Variants in EFCAB11 observed in about 807,000 individuals in gnomAD.
EFCAB11 encodes the protein EF-hand calcium binding domain 11, also known as EF-hand calcium-binding domain-containing protein 11.
A neutral mutation model predicts 23.0 loss-of-function variants in EFCAB11; 14 were observed. That is an observed-to-expected ratio of 0.61 (90% CI 0.40 to 0.95). EFCAB11 has a LOEUF of 0.95. Among genes scored for constraint, EFCAB11 ranks in the 40% least tolerant of loss-of-function variants. The pLI is 0.00. For synonymous variants in EFCAB11, 65 were observed against 66.6 expected (o/e 0.98, Z 0.11); for missense variants, 198 against 195.8 (o/e 1.01, Z -0.07).
intron 5 of EFCAB11, among the ~76,000 whole-genome samples, chr14:89,867,295 C>A (rs1251715445): frequency 1.3e-5 from 2 of 152,178 alleles, no homozygotes; most frequent in Admixed American, 1.3e-4. Flanking sequence ...TACTATCTGG[C>A]GTATTGGCAA....
chr14:89,932,394 A>G (rs1305130742), intron 4 of EFCAB11, 132 bp downstream of exon 4: 2 of 671,308 alleles, frequency 3.0e-6, no homozygotes, highest in East Asian at 2.8e-5. Context: ...TCAATACCTA[A>G]GGTAACAGCT....
intron 5 of EFCAB11, among the ~76,000 whole-genome samples, chr14:89,906,160 CATT>C (rs899395454): frequency 6.7e-6 from 1 of 149,046 alleles, no homozygotes; most frequent in African/African-American, 2.5e-5. Flanking sequence ...GCCTGGCACT[CATT>C]AGAGCACTAA....
intron 5 of EFCAB11, among the ~76,000 whole-genome samples, chr14:89,930,411 GTGGGCACA>G (rs1890349080): frequency 6.6e-6 from 1 of 152,118 alleles, no homozygotes. Flanking sequence ...ACCTCTATTC[GTGGGCACA>G]TCATTGCCCA....
chr14:89,852,530 G>C (rs912226831), intron 5 of EFCAB11, among the ~76,000 whole-genome samples: 9 of 152,162 alleles, frequency 5.9e-5, no homozygotes, highest in African/African-American at 2.2e-4. Context: ...CTCCATCTGT[G>C]AGTCTGTTCC....
intron 5 of EFCAB11, among the ~76,000 whole-genome samples, chr14:89,861,646 T>C (rs114345260): frequency 3.2e-3 from 483 of 152,264 alleles, no homozygotes; most frequent in African/African-American, 0.011. Context: ...ATTTATAAAC[T>C]GATTAGGAAT....
rs781657473 is a variant in EFCAB11 at position 89,931,677 on chromosome 14, A to C, written c.320-46T>G. The C allele has an allele frequency of 2.0e-6, 3 of 1,507,050 alleles. No homozygotes were observed. In the Admixed American group the frequency reaches 5.2e-5, roughly 26 times the overall value. 93.4% of individuals were successfully genotyped at this position (1,507,050 alleles called of 1,614,324 possible). A position where few individuals can be genotyped will look rare whatever the true frequency, so the allele number is the denominator to read the frequency against. ...ATATTCACTTACTTTAATAAGACCT[A>C]TCAACTGTTACTTCAGCCATAACAT... On this transcript the variant is annotated intron_variant, in intron 4 of 5. Coordinates refer to ENST00000316738, the MANE Select transcript of EFCAB11 (RefSeq NM_145231.4).
At chr14:89,834,120 T>G (rs1215857490) in intron 5 of EFCAB11, among the ~76,000 whole-genome samples, 1 of 148,692 alleles carries the variant, frequency 6.7e-6, no homozygotes, top group South Asian at 2.1e-4. Flanking sequence ...TTTGGGAGGC[T>G]GAGGCGGGCC....
intron 5 of EFCAB11, among the ~76,000 whole-genome samples, chr14:89,897,292 C>T (rs1889199431): frequency 6.6e-6 from 1 of 150,486 alleles, no homozygotes; most frequent in African/African-American, 2.5e-5. Context: ...ACTGCAACCT[C>T]CGCCTCCAGG....
chr14:89,925,206 G>C (rs767197621), intron 5 of EFCAB11, among the ~76,000 whole-genome samples: 2 of 152,154 alleles, frequency 1.3e-5, no homozygotes, highest in South Asian at 2.1e-4. Flanking sequence ...ATAATCAAAG[G>C]AACAAGTACC....
At chr14:89,944,527 T>C (rs2139835737) in intron 3 of EFCAB11, among the ~76,000 whole-genome samples, 1 of 152,232 alleles carries the variant, frequency 6.6e-6, no homozygotes, top group African/African-American at 2.4e-5. Flanking sequence ...AGGGAACTCT[T>C]AAGAAAGAGA....
At chr14:89,882,102 A>G (rs138220182) in intron 5 of EFCAB11, among the ~76,000 whole-genome samples, 2,736 of 152,274 alleles carry the variant, frequency 0.018, 43 homozygotes, top group Non-Finnish European at 0.026. Context: ...TACTTTACAA[A>G]AGAAAGGCAC....
intron 5 of EFCAB11, among the ~76,000 whole-genome samples, chr14:89,846,350 T>C (rs1887431824): frequency 6.6e-6 from 1 of 152,232 alleles, no homozygotes; most frequent in Non-Finnish European, 1.5e-5. Context: ...AGAACGTCAC[T>C]AACCATGAAG....
intron 5 of EFCAB11, among the ~76,000 whole-genome samples, chr14:89,903,381 T>C (rs1171490611): frequency 6.6e-6 from 1 of 152,232 alleles, no homozygotes; most frequent in Non-Finnish European, 1.5e-5. Flanking sequence ...TTCTGTCTGA[T>C]ATGGTTTCAT....
chr14:89,841,463 T>C lies in EFCAB11; in HGVS notation c.411-44139A>G, dbSNP rs574238209. ...CTTCTTCCCCGCCGCACCCCCAGTC[T>C]GCTATCCTCTCTCCCTCACTCTTTA... On this transcript the variant is annotated intron_variant, in intron 5 of 5. Transcript: ENST00000316738. 2.0e-5 allele frequency among the ~76,000 whole-genome samples: 3 copies of C among 150,760 alleles called. No individual in the cohort carries two copies. The East Asian group carries it at 5.9e-4, about 30-fold the overall frequency.
At chr14:89,814,372 C>A (rs1291203012) in intron 5 of EFCAB11, among the ~76,000 whole-genome samples, 6 of 152,168 alleles carry the variant, frequency 3.9e-5, no homozygotes, top group Admixed American at 6.5e-5. Flanking sequence ...CTCCCCAGAA[C>A]AACGACACGT....
At chr14:89,839,633 A>C (rs904693783) in intron 5 of EFCAB11, among the ~76,000 whole-genome samples, 5 of 152,156 alleles carry the variant, frequency 3.3e-5, no homozygotes, top group African/African-American at 7.2e-5. Flanking sequence ...GAAATACCTG[A>C]GACTGGGTGA....
chr14:89,886,417 C>T (rs1888774511), intron 5 of EFCAB11, among the ~76,000 whole-genome samples: 1 of 148,084 alleles, frequency 6.8e-6, no homozygotes, highest in South Asian at 2.2e-4. Flanking sequence ...ATTCGGGAGG[C>T]TGAGGCAGGA....
At chr14:89,914,024 G>C (rs921971539) in intron 5 of EFCAB11, among the ~76,000 whole-genome samples, 1 of 152,148 alleles carries the variant, frequency 6.6e-6, no homozygotes. Flanking sequence ...TGAATGAACT[G>C]TTGGGGACAC....
chr14:89,903,062 C>A (rs536632502), intron 5 of EFCAB11, among the ~76,000 whole-genome samples: 2 of 152,300 alleles, frequency 1.3e-5, no homozygotes, highest in African/African-American at 2.4e-5. Context: ...GAGGAAACAG[C>A]CCCATGAACA....
Sources: gnomAD v4.1 joint callset for allele counts (sites outside exome capture counted in the v4.1 genomes callset) on GRCh38, gnomAD v4.1.1 for gene constraint, MANE v1.5 for transcripts, NCBI Gene and HGNC (gene_info 2026-07-23, HGNC 2026-07-21) for gene names.